Variants in DIS3L observed in about 807,000 individuals in gnomAD.
DIS3L encodes the protein DIS3-like exonuclease 1.
A neutral mutation model predicts 120.3 loss-of-function variants in DIS3L; 100 were observed. The observed-to-expected ratio is 0.83, with a 90% CI of 0.71 to 0.98. The LOEUF (loss-of-function observed/expected upper bound fraction) is 0.98. Among genes scored for constraint, DIS3L ranks in the 50% least tolerant of loss-of-function variants. The pLI, the probability that DIS3L is intolerant of heterozygous loss-of-function variation, is 0.00. For synonymous variants in DIS3L, 426 were observed against 470.6 expected, an observed-to-expected ratio of 0.91 and a Z score of 1.23; for missense variants, 1,196 against 1,314.2, an observed-to-expected ratio of 0.91 and a Z score of 1.39.
At chr15:66,325,766 A>C (rs1431118904) in intron 11 of DIS3L, 65 bp from the exon 12 acceptor site, 2 of 1,527,600 alleles carry the variant, frequency 1.3e-6, no homozygotes, top group African/African-American at 2.8e-5. Context: ...GTCTCAAAAA[A>C]ACAAAAAACA....
Position 66,333,101 on chromosome 15 carries a change from T to A in DIS3L, c.2954T>A (p.Ile985Asn), listed in dbSNP as rs773426820. The A allele has an allele frequency of 6.2e-7, 1 of 1,613,418 alleles. No homozygotes were observed. The highest frequency in any genetic ancestry group is 8.5e-7 in the Non-Finnish European group (1 of 1,180,036). Residue 985 changes from isoleucine to asparagine, a missense_variant, in exon 17 of 17, where the codon ATT (isoleucine) becomes AAT (asparagine). Coordinates refer to ENST00000319212, the MANE Select transcript of DIS3L (RefSeq NM_001143688.3). ...KPYKIPNTEL[I>N]HQSSPLLKSE... ...TACAAGATACCAAATACAGAACTTATTCATCAGAGTTCCCCCTTGCTGAAG... is the reference window on the plus strand; with the variant it reads ...TACAAGATACCAAATACAGAACTTAATCATCAGAGTTCCCCCTTGCTGAAG...
chr15:66,299,510 C>T (rs1367837223), intron 2 of DIS3L, among the ~76,000 whole-genome samples: 1 of 148,296 alleles, frequency 6.7e-6, no homozygotes, highest in Admixed American at 6.8e-5. Flanking sequence ...CACGCCGTTG[C>T]ACTCCCGTCT....
At chr15:66,306,754 A>G (rs2092706318) in intron 2 of DIS3L, 70 bp from the exon 3 acceptor site, 1 of 1,591,676 alleles carries the variant, frequency 6.3e-7, no homozygotes, top group Non-Finnish European at 8.6e-7. Context: ...TCCTTTTTTG[A>G]TCCTTAGCAA....
At chr15:66,301,561 A>G (rs1217139902) in intron 2 of DIS3L, among the ~76,000 whole-genome samples, 1 of 152,130 alleles carries the variant, frequency 6.6e-6, no homozygotes, top group East Asian at 1.9e-4. Context: ...GATTACAAGC[A>G]TGAGCCACCA....
At chr15:66,323,410 A>G (rs751503020) in intron 10 of DIS3L, 83 bp from the exon 11 acceptor site, 65 of 1,440,516 alleles carry the variant, frequency 4.5e-5, no homozygotes, top group Non-Finnish European at 6.2e-5. Flanking sequence ...GATTTTGGCC[A>G]TTTACCTCCC....
intron 2 of DIS3L, 102 bp from the exon 3 acceptor site, chr15:66,306,722 T>C: frequency 2.0e-6 from 3 of 1,498,370 alleles, no homozygotes; most frequent in Non-Finnish European, 2.7e-6. Flanking sequence ...AAGTAATCAA[T>C]CTTTTGCTCT....
chr15:66,305,723 G>A (rs2092696992), intron 2 of DIS3L, among the ~76,000 whole-genome samples: 1 of 151,874 alleles, frequency 6.6e-6, no homozygotes, highest in African/African-American at 2.4e-5. Context: ...TAAAGATGGG[G>A]TCTTGCTACT....
At chr15:66,320,075 G>A (rs574557863) in intron 8 of DIS3L, among the ~76,000 whole-genome samples, 178 of 151,976 alleles carry the variant, frequency 1.2e-3, no homozygotes, top group South Asian at 3.7e-3. Context: ...AGTGAGCCAA[G>A]ATAGCACCAC....
At chr15:66,295,507 G>A (rs770664241) in intron 2 of DIS3L, among the ~76,000 whole-genome samples, 9 of 152,152 alleles carry the variant, frequency 5.9e-5, no homozygotes, top group Non-Finnish European at 1.3e-4. Flanking sequence ...AGAAGCATAC[G>A]TTCTTTTCTT....
intron 2 of DIS3L, among the ~76,000 whole-genome samples, chr15:66,301,072 G>A (rs999625207): frequency 3.9e-5 from 6 of 152,162 alleles, no homozygotes; most frequent in Non-Finnish European, 7.3e-5. Flanking sequence ...AATCCTTAGA[G>A]AGAACAGTCA....
At chr15:66,332,948 A>G in intron 16 of DIS3L, 38 bp downstream of exon 16, 1 of 1,577,032 alleles carries the variant, frequency 6.3e-7, no homozygotes, top group Non-Finnish European at 8.6e-7. Context: ...TTAATATTTT[A>G]AATGTAAGGA....
At chr15:66,306,212 C>T (rs774989392) in intron 2 of DIS3L, among the ~76,000 whole-genome samples, 2 of 152,154 alleles carry the variant, frequency 1.3e-5, no homozygotes, top group Admixed American at 6.5e-5. Flanking sequence ...TGGCCTCAAA[C>T]CATTCTCCTT....
intron 7 of DIS3L, among the ~76,000 whole-genome samples, chr15:66,317,300 A>T (rs2092827668): frequency 6.6e-6 from 1 of 150,836 alleles, no homozygotes; most frequent in Admixed American, 6.6e-5. Context: ...CCCTGTACCT[A>T]GAACAAAGCC....
intron 5 of DIS3L, 120 bp from the exon 6 acceptor site, chr15:66,313,919 A>G: frequency 1.4e-6 from 1 of 693,316 alleles, no homozygotes; most frequent in Admixed American, 3.3e-5. Flanking sequence ...TAAAGGGATC[A>G]CAAACCTTAA....
chr15:66,326,458 G>A (rs773936929), intron 12 of DIS3L, 94 bp downstream of exon 12: 1 of 1,350,002 alleles, frequency 7.4e-7, no homozygotes, highest in Non-Finnish European at 9.9e-7. Flanking sequence ...CCAGATCTTT[G>A]ACCAAAAAGA....
At position 66,311,835 on chromosome 15, in the gene DIS3L, G is replaced by T. The variant is rs142939761; in HGVS notation, c.670G>T (p.Glu224Ter). The change falls in exon 5 of 17, where the codon GAG (glutamate) becomes TAG (stop). Residue 224 changes from glutamate (E) to a stop codon, truncating the protein, a stop_gained. Coordinates refer to ENST00000319212, the MANE Select transcript of DIS3L (RefSeq NM_001143688.3). LOFTEE classifies it high-confidence loss of function. Reference protein sequence around the residue: ...ENESQESHGKEYPEHLPLEVL... With the variant: ...ENESQESHGK ...TGAGAGTCAGGAGAGCCATGGGAAG[G>T]AGTACCCAGAACATCTTCCCCTGGA... 2.5e-6 allele frequency: 4 copies of T among 1,614,144 alleles called. No individual in the cohort carries two copies. Among genetic ancestry groups the T allele is most frequent in the Non-Finnish European group, 3.4e-6 (4 of 1,180,026 alleles).
chr15:66,327,702 C>G (rs1191133697), intron 12 of DIS3L, among the ~76,000 whole-genome samples: 1 of 151,990 alleles, frequency 6.6e-6, no homozygotes, highest in South Asian at 2.1e-4. Flanking sequence ...CAAAATCGCA[C>G]CACTGCACTC....
At chr15:66,313,429 A>G (rs1229531848) in intron 5 of DIS3L, among the ~76,000 whole-genome samples, 1 of 152,150 alleles carries the variant, frequency 6.6e-6, no homozygotes, top group East Asian at 1.9e-4. Flanking sequence ...AAGAAAATAA[A>G]CCTTAGTGAT....
chr15:66,306,739 C>T (rs1029711893), intron 2 of DIS3L, 85 bp from the exon 3 acceptor site: 51 of 1,572,762 alleles, frequency 3.2e-5, no homozygotes, highest in Non-Finnish European at 4.2e-5. Context: ...CTCTAAAATA[C>T]CCCATCCTTT....
Sources: allele counts gnomAD v4.1 joint callset (sites outside exome capture counted in the v4.1 genomes callset), GRCh38; gene constraint gnomAD v4.1.1; transcripts MANE v1.5; gene names NCBI Gene and HGNC (gene_info 2026-07-23, HGNC 2026-07-21).